Variants in HNF4A observed in about 807,000 individuals in gnomAD.
The protein encoded by HNF4A is hepatocyte nuclear factor 4-alpha.
A neutral mutation model predicts 52.4 loss-of-function variants in HNF4A; 15 were observed. The ratio of observed to expected loss-of-function variants is 0.29; its 90% CI spans 0.19 to 0.44. HNF4A has a LOEUF of 0.44. HNF4A is among the 20% of genes least tolerant of loss of function. The pLI is 1.00. For synonymous variants in HNF4A, 280 were observed against 264.4 expected, an observed-to-expected ratio of 1.06 and a Z score of -0.57; for missense variants, 479 against 647.2, an observed-to-expected ratio of 0.74 and a Z score of 2.82.
In HNF4A at chr20:44,402,522, T is replaced by C. The variant is rs767889047; in HGVS notation, c.115+1035T>C. On this transcript the variant is annotated intron_variant, in intron 1 of 9. Coordinates refer to ENST00000316099, the MANE Select transcript of HNF4A (RefSeq NM_000457.6). Reference sequence around the variant, plus strand: ...GTTGCCACTCACCAAGTGAGATTCATATCAGCAACATGTCCGTTTGTCTCT... The same window carrying C: ...GTTGCCACTCACCAAGTGAGATTCACATCAGCAACATGTCCGTTTGTCTCT... 2.8e-5 allele frequency: 37 copies of C among 1,333,790 alleles called. No homozygotes were observed. The South Asian group carries it at 4.1e-4, about 15-fold the overall frequency. The allele number at this position is 1,333,790 out of a possible 1,614,324, so 82.6% of individuals were successfully genotyped here.
intron 7 of HNF4A, 132 bp from the exon 8 acceptor site, chr20:44,423,886 T>A (rs2063781133): frequency 1.3e-6 from 1 of 776,024 alleles, no homozygotes; most frequent in South Asian, 1.5e-5. Context: ...GTTGTTGAGG[T>A]CCCTGAATCC....
rs2063632790 is a variant in HNF4A, at chr20:44,414,490, C to T, written c.493-17C>T. On this transcript the variant is annotated splice_polypyrimidine_tract_variant and intron_variant, in intron 4 of 9. Coordinates refer to ENST00000316099, the MANE Select transcript of HNF4A (RefSeq NM_000457.6). ...GCCCGGACATCTCCAGCATTTTCTT[C>T]CCTGTATCTCTCGAAGATCACCTCC... 2 of 1,614,226 alleles carry T rather than the reference C, an allele frequency of 1.2e-6. No homozygotes were observed. Among genetic ancestry groups the T allele is most frequent in the Non-Finnish European group, 1.7e-6 (2 of 1,180,034 alleles).
At chr20:44,363,622 A>T (rs1209726128) in intron 1 of HNF4A, among the ~76,000 whole-genome samples, 1 of 151,326 alleles carries the variant, frequency 6.6e-6, no homozygotes, top group Non-Finnish European at 1.5e-5. Context: ...CTCATCAGAG[A>T]CCTGGGAGAT....
At chr20:44,387,024 C>T (rs940739154) in intron 1 of HNF4A, among the ~76,000 whole-genome samples, 5 of 151,842 alleles carry the variant, frequency 3.3e-5, no homozygotes, top group Non-Finnish European at 5.9e-5. Context: ...TATTCCAGGC[C>T]AGGTGTGGTG....
At position 44,381,131 on chromosome 20, in the gene HNF4A, A is replaced by AT. The variant is rs572423359; in HGVS notation, c.50-24926dup. ...TGGGCTTAATACTTCCAATGACGGAATACTCACTACTTAATAAAGCAGCTT... is the reference window on the plus strand; with the variant it reads ...TGGGCTTAATACTTCCAATGACGGAATTACTCACTACTTAATAAAGCAGCTT... On this transcript the variant is annotated intron_variant, in intron 1 of 9. Coordinates refer to the HNF4A transcript ENST00000316673. Among the ~76,000 whole-genome samples, 24 of 152,318 alleles carry AT rather than the reference A, an allele frequency of 1.6e-4. No individual in the cohort carries two copies. The East Asian group carries it at 4.0e-3, about 26-fold the overall frequency.
At chr20:44,368,191 G>A (rs1302710960) in intron 1 of HNF4A, among the ~76,000 whole-genome samples, 1 of 42,696 alleles carries the variant, frequency 2.3e-5, no homozygotes, top group African/African-American at 7.7e-5. Flanking sequence ...TTTTGAGACA[G>A]GGTCTCACTC....
In HNF4A at chr20:44,432,344, C is replaced by CTTTTTTTTTTTTTTTTTT. The variant is rs11450239; in HGVS notation, c.*2686_*2703dup. 4 of 58,980 alleles carry CTTTTTTTTTTTTTTTTTT rather than the reference C, an allele frequency of 6.8e-5. No individual in the cohort carries two copies. Among genetic ancestry groups the CTTTTTTTTTTTTTTTTTT allele is most frequent in the Non-Finnish European group, 9.1e-5 (3 of 33,112 alleles). 3.7% of individuals were successfully genotyped at this position (58,980 alleles called of 1,614,324 possible). On this transcript the variant is annotated 3_prime_UTR_variant, in exon 10 of 10. Coordinates refer to ENST00000316099, the MANE Select transcript of HNF4A (RefSeq NM_000457.6). ...ATGATATTAGAAAATCTCTCGCTCT[C>CTTTTTTTTTTTTTTTTTT]TTTTTTTTTTTTTTTTTTTTTTTTG...
intron 7 of HNF4A, among the ~76,000 whole-genome samples, chr20:44,420,264 G>A (rs2063726098): frequency 1.3e-5 from 2 of 151,958 alleles, no homozygotes; most frequent in East Asian, 1.9e-4. Flanking sequence ...CCTGGGAGGC[G>A]GAGGTTGCAG....
chr20:44,421,779 A>G (rs1316525816), intron 7 of HNF4A, among the ~76,000 whole-genome samples: 1 of 146,740 alleles, frequency 6.8e-6, no homozygotes, highest in Non-Finnish European at 1.5e-5. Flanking sequence ...ATGTGTATAT[A>G]TATATAATAT....
chr20:44,363,706 C>CTTTTTTTT (rs11480026), intron 1 of HNF4A, among the ~76,000 whole-genome samples: 2 of 107,480 alleles, frequency 1.9e-5, no homozygotes, highest in African/African-American at 3.3e-5. Context: ...TCCATCTACT[C>CTTTTTTTT]TTTTTTTTTT....
intron 1 of HNF4A, among the ~76,000 whole-genome samples, chr20:44,392,707 T>G (rs2063315466): frequency 1.3e-5 from 2 of 152,128 alleles, no homozygotes; most frequent in Admixed American, 6.5e-5. Flanking sequence ...AGTCTCTGCT[T>G]TGTTAGACAA....
At chr20:44,409,019 C>CT (rs1244323292) in intron 3 of HNF4A, among the ~76,000 whole-genome samples, 2 of 151,840 alleles carry the variant, frequency 1.3e-5, no homozygotes, top group African/African-American at 4.8e-5. Flanking sequence ...CTGCTCCTGG[C>CT]CCCCTGTTTT....
chr20:44,401,161 G>T, upstream of HNF4A: 3 of 1,430,618 alleles, frequency 2.1e-6, no homozygotes, highest in South Asian at 2.9e-5. Context: ...ACCGGCGGGG[G>T]ACCGATTAAC....
At chr20:44,373,384 G>C (rs1287304438) in intron 1 of HNF4A, among the ~76,000 whole-genome samples, 1 of 152,112 alleles carries the variant, frequency 6.6e-6, no homozygotes, top group East Asian at 1.9e-4. Context: ...GTGTTGCCCA[G>C]GCTGGTCTCA....
At chr20:44,361,227 G>T in intron 1 of HNF4A, among the ~76,000 whole-genome samples, 1 of 152,186 alleles carries the variant, frequency 6.6e-6, no homozygotes, top group Non-Finnish European at 1.5e-5. Flanking sequence ...TCCAGACCCA[G>T]TGAATCAGTC....
chr20:44,396,450 C>G (rs2063353980), upstream of HNF4A, among the ~76,000 whole-genome samples: 1 of 152,156 alleles, frequency 6.6e-6, no homozygotes, highest in African/African-American at 2.4e-5. Flanking sequence ...GCAGGTTGCC[C>G]AGGGCAATCC....
At chr20:44,383,491 C>T (rs2063180547) in intron 1 of HNF4A, among the ~76,000 whole-genome samples, 1 of 151,844 alleles carries the variant, frequency 6.6e-6, no homozygotes, top group Admixed American at 6.6e-5. Context: ...TTCAAATATT[C>T]TGACAATCTT....
At chr20:44,390,818 GCC>G in intron 1 of HNF4A, 1 of 612,320 alleles carries the variant, frequency 1.6e-6, no homozygotes, top group Non-Finnish European at 2.9e-6. Context: ...AACGTCCATG[GCC>G]CTGATGGGTG....
At chr20:44,414,241 G>A (rs1181386619) in intron 4 of HNF4A, among the ~76,000 whole-genome samples, 1 of 152,198 alleles carries the variant, frequency 6.6e-6, no homozygotes, top group Non-Finnish European at 1.5e-5. Flanking sequence ...TCTCCTCTAA[G>A]GCTGACAGAC....
Sources: gnomAD v4.1 joint callset for allele counts (sites outside exome capture counted in the v4.1 genomes callset) on GRCh38, gnomAD v4.1.1 for gene constraint, MANE v1.5 for transcripts, NCBI Gene and HGNC (gene_info 2026-07-23, HGNC 2026-07-21) for gene names.